The following MED12L variants were observed in gnomAD, a reference collection of about 807,000 sequenced individuals.
The protein encoded by MED12L is mediator of RNA polymerase II transcription subunit 12-like protein.
A neutral mutation model predicts 281.3 loss-of-function variants in MED12L; 60 were observed. The observed-to-expected ratio is 0.21, with a 90% confidence interval of 0.17 to 0.26. The LOEUF (loss-of-function observed/expected upper bound fraction) is 0.26, where lower values mean the gene tolerates loss of function less well. Ranked by LOEUF, MED12L falls within the 10% of genes least tolerant of loss-of-function variation. The probability of loss-of-function intolerance (pLI) is 1.00; values close to 1 mark genes in which losing one functional copy is unlikely to be tolerated. For synonymous variants in MED12L, 974 were observed against 987.2 expected (o/e 0.99, Z 0.25); for missense variants, 2,146 against 2,680.9 (o/e 0.80, Z 4.41).
At chr3:151,151,977 G>A (rs1303179237) in intron 5 of MED12L, among the ~76,000 whole-genome samples, 1 of 151,802 alleles carries the variant, frequency 6.6e-6, no homozygotes, top group Non-Finnish European at 1.5e-5. Flanking sequence ...GAAAGCAACT[G>A]GAGCTAGCAT....
intron 44 of MED12L, among the ~76,000 whole-genome samples, chr3:151,430,959 TA>T: frequency 6.6e-6 from 1 of 152,096 alleles, no homozygotes; most frequent in African/African-American, 2.4e-5. Flanking sequence ...TTGTTTTGTT[TA>T]ATGTGCTGCC....
intron 5 of MED12L, among the ~76,000 whole-genome samples, chr3:151,142,048 A>G (rs1717106279): frequency 6.6e-6 from 1 of 152,214 alleles, no homozygotes; most frequent in South Asian, 2.1e-4. Context: ...ATAGTATACT[A>G]CAAAATAAGC....
intron 2 of MED12L, among the ~76,000 whole-genome samples, chr3:151,091,598 A>G (rs1416844050): frequency 2.0e-5 from 3 of 152,216 alleles, no homozygotes; most frequent in East Asian, 1.9e-4. Context: ...TTAACAGCCA[A>G]CCCAGCCAAG....
At chr3:151,355,607 T>C (rs1753813376) in intron 18 of MED12L, among the ~76,000 whole-genome samples, 1 of 152,244 alleles carries the variant, frequency 6.6e-6, no homozygotes, top group Admixed American at 6.5e-5. Context: ...TACAAATCCA[T>C]TGATATTCAA....
intron 5 of MED12L, among the ~76,000 whole-genome samples, chr3:151,148,202 G>T: frequency 6.6e-6 from 1 of 151,830 alleles, no homozygotes; most frequent in Non-Finnish European, 1.5e-5. Flanking sequence ...TTTTTAACTG[G>T]GTTGTCTTTT....
intron 16 of MED12L, among the ~76,000 whole-genome samples, chr3:151,331,104 AG>A (rs1479558571): frequency 1.3e-5 from 2 of 152,232 alleles, no homozygotes; most frequent in Non-Finnish European, 2.9e-5. Flanking sequence ...CTTTCCAAAG[AG>A]GAACTGACTT....
At chr3:151,112,747 G>T (rs977260758) in intron 2 of MED12L, among the ~76,000 whole-genome samples, 1 of 152,110 alleles carries the variant, frequency 6.6e-6, no homozygotes, top group Admixed American at 6.6e-5. Flanking sequence ...ATGGTGTGTG[G>T]GGTTTGATGG....
intron 2 of MED12L, 33 bp downstream of exon 2, chr3:151,087,058 G>T (rs763824941): frequency 1.9e-6 from 3 of 1,554,574 alleles, no homozygotes; most frequent in African/African-American, 2.7e-5. Flanking sequence ...CGGCAACCGG[G>T]GCCGCGCTCT....
At chr3:151,351,755 A>G (rs1407526563) in intron 17 of MED12L, among the ~76,000 whole-genome samples, 1 of 152,184 alleles carries the variant, frequency 6.6e-6, no homozygotes. Flanking sequence ...GGGTCTTTCC[A>G]GAGCCTATGG....
Position 151,384,163 on chromosome 3 carries a change from C to A in MED12L, c.4871C>A (p.Pro1624His), listed in dbSNP as rs746267820. Residue 1624 changes from proline (P) to histidine (H), a missense_variant, in exon 35 of 45, where the codon CCT (proline) becomes CAT (histidine). Transcript: ENST00000687756. ...GCCTCTGACCTATCAAATGCATCCCCTGGGGGATCTGAAGAGAACAAGCGT... is the reference window on the plus strand; with the variant it reads ...GCCTCTGACCTATCAAATGCATCCCATGGGGGATCTGAAGAGAACAAGCGT... ...TLASDLSNAS[P>H]GGSEENKRAY... 1 of 1,613,948 alleles carries A rather than the reference C, an allele frequency of 6.2e-7. No individual in the cohort carries two copies. Among genetic ancestry groups the A allele is most frequent in the South Asian group, 1.1e-5 (1 of 91,028 alleles).
chr3:151,233,362 ATATAGTC>A (rs1732085446), intron 16 of MED12L, among the ~76,000 whole-genome samples: 1 of 152,236 alleles, frequency 6.6e-6, no homozygotes, highest in South Asian at 2.1e-4. Context: ...TTGCTTTTAA[ATATAGTC>A]TTTCTTTTCA....
chr3:151,192,544 T>C lies in MED12L; in HGVS notation c.1969-6T>C, dbSNP rs201253391. The stretch of plus-strand genomic sequence containing the variant: ...AATGTTACTTTCTTTCTCTGGCGAT[T>C]ATCAGGAACAGAGTATTATGGCGCA... On this transcript the variant is annotated splice_region_variant and splice_polypyrimidine_tract_variant and intron_variant, in intron 14 of 44. Transcript: ENST00000687756. 6.6e-7 allele frequency: 1 copy of C among 1,521,984 alleles called. No individual in the cohort carries two copies. Among genetic ancestry groups the C allele is most frequent in the Non-Finnish European group, 8.8e-7 (1 of 1,134,272 alleles). 94.3% of individuals were successfully genotyped at this position (1,521,984 alleles called of 1,614,324 possible). A position where few individuals can be genotyped will look rare whatever the true frequency, so the allele number is the denominator to read the frequency against.
At chr3:151,189,477 G>T (rs1396961982) in intron 13 of MED12L, among the ~76,000 whole-genome samples, 1 of 152,206 alleles carries the variant, frequency 6.6e-6, no homozygotes, top group Non-Finnish European at 1.5e-5. Context: ...TACCCTGGGG[G>T]AGACAGACAT....
chr3:151,410,788 A>G (rs765357082), intron 40 of MED12L, among the ~76,000 whole-genome samples: 3 of 152,248 alleles, frequency 2.0e-5, no homozygotes, highest in Non-Finnish European at 4.4e-5. Context: ...GTTACTACAC[A>G]CACATTTATC....
intron 44 of MED12L, among the ~76,000 whole-genome samples, chr3:151,430,599 A>C (rs1207938754): frequency 6.7e-6 from 1 of 150,236 alleles, no homozygotes; most frequent in Non-Finnish European, 1.5e-5. Context: ...AAATTCAGTG[A>C]AGATACTTTC....
At chr3:151,391,777 C>T (rs1229771551) in intron 38 of MED12L, among the ~76,000 whole-genome samples, 1 of 152,268 alleles carries the variant, frequency 6.6e-6, no homozygotes, top group East Asian at 1.9e-4. Flanking sequence ...ATGTAAGCCT[C>T]GTGGCAGATA....
chr3:151,299,356 C>CTTTCTTTCTTTTCTTTTCT (rs1553772493), intron 16 of MED12L, among the ~76,000 whole-genome samples: 2 of 94,352 alleles, frequency 2.1e-5, no homozygotes, highest in Non-Finnish European at 4.2e-5. Context: ...TTCCTTCCTT[C>CTTTCTTTCTTTTCTTTTCT]TTTCTTTTCT....
In MED12L at chr3:151,192,516, T is replaced by C. The variant is rs753536549; in HGVS notation, c.1969-34T>C. 3.1e-5 allele frequency: 45 copies of C among 1,435,440 alleles called. 1 individual carries two copies. In the South Asian group the frequency reaches 5.1e-4, roughly 16 times the overall value. 88.9% of individuals were successfully genotyped at this position (1,435,440 alleles called of 1,614,324 possible). ...CAGTTTCTTGATGAACTCCAAAACT[T>C]ACAATGTTACTTTCTTTCTCTGGCG... is the stretch of plus-strand genomic sequence containing the variant. On this transcript the variant is annotated intron_variant, in intron 14 of 44. Transcript: ENST00000687756.
intron 9 of MED12L, 46 bp downstream of exon 9, chr3:151,164,088 C>G (rs762069485): frequency 1.9e-6 from 3 of 1,598,718 alleles, no homozygotes; most frequent in Non-Finnish European, 2.6e-6. Context: ...TCATTCTTGA[C>G]AGGCATCAGG....
Sources: allele counts gnomAD v4.1 joint callset (sites outside exome capture counted in the v4.1 genomes callset), GRCh38; gene constraint gnomAD v4.1.1; transcripts MANE v1.5; gene names NCBI Gene and HGNC (gene_info 2026-07-23, HGNC 2026-07-21).